Variants in BCAR3 observed in about 807,000 individuals in gnomAD.
The protein encoded by BCAR3 is BCAR3 adaptor protein, NSP family member.
In BCAR3, 37 loss-of-function variants were observed where a neutral mutation model predicts 80.1. The observed-to-expected ratio is 0.46, with a 90% CI of 0.36 to 0.61. The LOEUF (loss-of-function observed/expected upper bound fraction) is 0.61. BCAR3 is among the 20% of genes least tolerant of loss of function. The pLI is 0.00. For missense variants in BCAR3, 978 were observed against 1,068.2 expected (o/e 0.92, Z 1.18); for synonymous variants, 389 against 418.9 (o/e 0.93, Z 0.87).
chr1:93,576,156 C>G (rs2101817735), intron 7 of BCAR3, 27 bp from the exon 8 acceptor site: 7 of 1,577,368 alleles, frequency 4.4e-6, no homozygotes, highest in Non-Finnish European at 6.1e-6. Context: ...TTGAAATACA[C>G]TGGATCAGGA....
intron 3 of BCAR3, among the ~76,000 whole-genome samples, chr1:93,687,236 C>A (rs1649006629): frequency 6.6e-6 from 1 of 152,142 alleles, no homozygotes; most frequent in East Asian, 1.9e-4. Flanking sequence ...ATGCTATAAA[C>A]AATTTTAGAA....
At chr1:93,805,675 C>T (rs1200264144) in intron 2 of BCAR3, among the ~76,000 whole-genome samples, 1 of 152,152 alleles carries the variant, frequency 6.6e-6, no homozygotes, top group African/African-American at 2.4e-5. Context: ...CTATCAGCCT[C>T]CTTATTGCCT....
intron 2 of BCAR3, among the ~76,000 whole-genome samples, chr1:93,738,829 C>A (rs776554796): frequency 6.6e-6 from 1 of 152,120 alleles, no homozygotes; most frequent in Non-Finnish European, 1.5e-5. Context: ...TAAATTTGAA[C>A]TTTGTATTTA....
At chr1:93,635,037 G>A (rs1240118714) in intron 3 of BCAR3, among the ~76,000 whole-genome samples, 1 of 152,060 alleles carries the variant, frequency 6.6e-6, no homozygotes, top group Admixed American at 6.6e-5. Context: ...ACCAGCCCAA[G>A]CACACAGGGA....
At chr1:93,778,800 G>A (rs1652662256) in intron 2 of BCAR3, among the ~76,000 whole-genome samples, 1 of 152,064 alleles carries the variant, frequency 6.6e-6, no homozygotes, top group Admixed American at 6.5e-5. Flanking sequence ...ATCATTTCTC[G>A]AGGGAAGCCT....
chr1:93,571,029 C>A (rs1006298906), intron 9 of BCAR3, among the ~76,000 whole-genome samples: 1 of 151,830 alleles, frequency 6.6e-6, no homozygotes, highest in African/African-American at 2.4e-5. Flanking sequence ...CATGGCAAAA[C>A]CCCGTCTCTA....
At chr1:93,615,693 T>C (rs1459309773) in intron 3 of BCAR3, among the ~76,000 whole-genome samples, 2 of 152,176 alleles carry the variant, frequency 1.3e-5, no homozygotes, top group African/African-American at 4.8e-5. Flanking sequence ...TTTTCTGGCT[T>C]GCCCTCATTT....
At chr1:93,785,973 C>A (rs1571126561) in intron 2 of BCAR3, among the ~76,000 whole-genome samples, 1 of 115,494 alleles carries the variant, frequency 8.7e-6, no homozygotes, top group South Asian at 2.4e-4. Flanking sequence ...GCGGGCGGAT[C>A]ATGAGGTCAG....
chr1:93,613,773 C>G (rs1557860600), intron 3 of BCAR3: 1 of 1,500,902 alleles, frequency 6.7e-7, no homozygotes, highest in South Asian at 1.2e-5. Context: ...TTATCTATTG[C>G]CCTTTAGGAA....
intron 3 of BCAR3, among the ~76,000 whole-genome samples, chr1:93,627,856 T>C (rs1270374456): frequency 6.6e-6 from 1 of 152,184 alleles, no homozygotes; most frequent in Admixed American, 6.5e-5. Context: ...TTAAGTTACT[T>C]GCTTTACATA....
rs541255568 is a variant in BCAR3 at position 93,643,685 on chromosome 1, G to A, written c.318-1342C>T. 2.3e-4 allele frequency among the ~76,000 whole-genome samples: 35 copies of A among 151,954 alleles called. No individual in the cohort carries two copies. In the South Asian group the frequency reaches 6.4e-3, roughly 28 times the overall value. ...TCAAAGGATAAAAAGCAGCAGATAC[G>A]TAGGATGAACAAGCATAGAGCTCTA... On this transcript the variant is annotated intron_variant, in intron 2 of 11. Transcript: ENST00000260502.
chr1:93,612,634 CT>C (rs1570968999), intron 3 of BCAR3, among the ~76,000 whole-genome samples: 1 of 152,184 alleles, frequency 6.6e-6, no homozygotes, highest in East Asian at 1.9e-4. Context: ...CCTTTGGGAC[CT>C]CCTAGTCTAT....
At chr1:93,743,855 T>C (rs1651263454) in intron 2 of BCAR3, among the ~76,000 whole-genome samples, 3 of 152,190 alleles carry the variant, frequency 2.0e-5, no homozygotes, top group Admixed American at 1.3e-4. Context: ...CACATTACTG[T>C]TGTCTGTTTC....
Position 93,835,791 on chromosome 1 carries a change from A to C in BCAR3, c.-63+9776T>G, listed in dbSNP as rs111728777. 7.4e-4 allele frequency among the ~76,000 whole-genome samples: 112 copies of C among 152,298 alleles called. 1 individual carries two copies. The highest frequency in any genetic ancestry group is 2.1e-3 in the African/African-American group (89 of 41,554). On this transcript the variant is annotated intron_variant, in intron 2 of 13. Coordinates refer to the BCAR3 transcript ENST00000370244. ...TGACTTTATTCACATGCCCTGAGTC[A>C]GGAAACTAAAATACCTCTTGGTCTG... is the stretch of plus-strand genomic sequence containing the variant.
At chr1:93,642,978 A>T (rs1222881925) in intron 2 of BCAR3, among the ~76,000 whole-genome samples, 4 of 152,230 alleles carry the variant, frequency 2.6e-5, no homozygotes, top group Non-Finnish European at 5.9e-5. Flanking sequence ...CTGTAATCCC[A>T]GCACTTTGGG....
chr1:93,612,416 C>A (rs370075897), intron 3 of BCAR3, among the ~76,000 whole-genome samples: 70 of 152,104 alleles, frequency 4.6e-4, no homozygotes, highest in South Asian at 1.7e-3. Flanking sequence ...ATTAAGTGGC[C>A]TTTTCTATAT....
At chr1:93,747,974 C>G in intron 2 of BCAR3, among the ~76,000 whole-genome samples, 1 of 147,796 alleles carries the variant, frequency 6.8e-6, no homozygotes, top group East Asian at 1.9e-4. Flanking sequence ...CAACTGAGAA[C>G]CAACCCTGGT....
intron 3 of BCAR3, among the ~76,000 whole-genome samples, chr1:93,691,425 T>C (rs1431925330): frequency 6.6e-6 from 1 of 152,254 alleles, no homozygotes; most frequent in East Asian, 1.9e-4. Context: ...ACACACAGCC[T>C]GGGGTCAGAT....
intron 2 of BCAR3, among the ~76,000 whole-genome samples, chr1:93,811,602 G>A (rs1320384607): frequency 5.3e-5 from 8 of 152,004 alleles, no homozygotes; most frequent in Non-Finnish European, 7.4e-5. Flanking sequence ...CAACCTATCC[G>A]CCATTTTCCA....
Sources: gnomAD v4.1 joint callset for allele counts (sites outside exome capture counted in the v4.1 genomes callset) on GRCh38, gnomAD v4.1.1 for gene constraint, MANE v1.5 for transcripts, NCBI Gene and HGNC (gene_info 2026-07-23, HGNC 2026-07-21) for gene names.